Variants in CACNA1S observed in about 807,000 individuals in gnomAD.
CACNA1S encodes calcium voltage-gated channel subunit alpha1 S.
Under a neutral mutation model 207.4 loss-of-function variants are expected in CACNA1S, and 126 were observed. The ratio of observed to expected loss-of-function variants is 0.61; its 90% CI spans 0.53 to 0.70. The LOEUF (loss-of-function observed/expected upper bound fraction) is 0.70, where lower values mean the gene tolerates loss of function less well. Among genes scored for constraint, CACNA1S ranks in the 30% least tolerant of loss-of-function variants. The probability of loss-of-function intolerance (pLI) is 0.00; values close to 1 mark genes in which losing one functional copy is unlikely to be tolerated. For missense variants in CACNA1S, 2,349 were observed against 2,422.8 expected (o/e 0.97, Z 0.64); for synonymous variants, 960 against 932.7 (o/e 1.03, Z -0.53).
intron 2 of CACNA1S, among the ~76,000 whole-genome samples, chr1:201,102,881 C>CT (rs1213984072): frequency 2.0e-5 from 3 of 152,074 alleles, no homozygotes; most frequent in Non-Finnish European, 2.9e-5. Flanking sequence ...CTGTCTTTGC[C>CT]CCCCGAGGCT....
At chr1:201,075,671 A>T in intron 12 of CACNA1S, 56 bp from the exon 13 acceptor site, 1 of 1,591,312 alleles carries the variant, frequency 6.3e-7, no homozygotes, top group Non-Finnish European at 8.6e-7. Context: ...AGAGTCTTCT[A>T]TTGGGACCGC....
In CACNA1S at chr1:201,039,572, G is replaced by T; in HGVS notation, c.*259C>A. 1 of 574,260 alleles carries T rather than the reference G, an allele frequency of 1.7e-6. No homozygotes were observed. The highest frequency in any genetic ancestry group is 2.0e-5 in the South Asian group (1 of 50,004). 35.6% of individuals were successfully genotyped at this position (574,260 alleles called of 1,614,324 possible). On this transcript the variant is annotated 3_prime_UTR_variant, in exon 44 of 44. Transcript: ENST00000362061. ...TGCAGGTGGGAGTGGCCCTAGGCCA[G>T]ACAGGCACTGACCAGGCCTTTTTGA...
chr1:201,059,131 G>T, intron 27 of CACNA1S, 58 bp downstream of exon 27: 2 of 1,086,426 alleles, frequency 1.8e-6, no homozygotes, highest in Non-Finnish European at 1.4e-6. Flanking sequence ...ATGTTCCACT[G>T]GAAGGTCCCA....
intron 11 of CACNA1S, 44 bp downstream of exon 11, chr1:201,077,835 T>C (rs1661684824): frequency 7.1e-7 from 1 of 1,403,380 alleles, no homozygotes; most frequent in Non-Finnish European, 1.0e-6. Context: ...CAGCCCGTGG[T>C]GCCTGCCGGG....
At chr1:201,045,392 T>C (rs1264462070) in intron 38 of CACNA1S, among the ~76,000 whole-genome samples, 3 of 152,160 alleles carry the variant, frequency 2.0e-5, no homozygotes, top group African/African-American at 7.2e-5. Flanking sequence ...ATAAAGGACA[T>C]TTACTGGGAC....
In CACNA1S at chr1:201,066,835, G is replaced by C; in HGVS notation, c.2657+52C>G. On this transcript the variant is annotated intron_variant, in intron 20 of 43. Transcript: ENST00000362061. The surrounding 1 kb of genome is among the most constrained non-coding windows in gnomAD (Gnocchi z 4.3). ...GTGGGACTCCCACTACAAAGCCCTG[G>C]CACAGAGCAGAGGGTGGTCTGTGCC... 1 of 1,371,838 alleles carries C rather than the reference G, an allele frequency of 7.3e-7. No homozygotes were observed. The highest frequency in any genetic ancestry group is 1.0e-6 in the Non-Finnish European group (1 of 966,624). The allele number at this position is 1,371,838 out of a possible 1,614,324, so 85.0% of individuals were successfully genotyped here. A position where few individuals can be genotyped will look rare whatever the true frequency, so the allele number is the denominator to read the frequency against.
intron 43 of CACNA1S, 50 bp downstream of exon 43, chr1:201,040,181 C>A (rs371345681): frequency 1.2e-5 from 20 of 1,612,160 alleles, no homozygotes; most frequent in Admixed American, 5.0e-5. Flanking sequence ...CAGGCCATCA[C>A]AGGGCCACCA....
intron 2 of CACNA1S, among the ~76,000 whole-genome samples, chr1:201,109,069 G>A (rs1437172609): frequency 1.2e-4 from 19 of 152,066 alleles, no homozygotes; most frequent in Non-Finnish European, 8.8e-5. Context: ...CCAACATGGC[G>A]AAACCCCATC....
intron 6 of CACNA1S, 92 bp downstream of exon 6, chr1:201,089,166 C>A (rs954009394): frequency 8.3e-7 from 1 of 1,209,194 alleles, no homozygotes; most frequent in Admixed American, 1.8e-5. Flanking sequence ...AGAGACTGGC[C>A]TCCTGTGTGG....
intron 36 of CACNA1S, 22 bp downstream of exon 36, chr1:201,048,560 T>A (rs1308938443): frequency 1.3e-6 from 2 of 1,519,296 alleles, no homozygotes; most frequent in African/African-American, 3.7e-5. Context: ...AGGAGGGGGC[T>A]CACATTGGAA....
At chr1:201,075,256 A>C (rs1661565787) in intron 13 of CACNA1S, among the ~76,000 whole-genome samples, 1 of 152,084 alleles carries the variant, frequency 6.6e-6, no homozygotes, top group East Asian at 1.9e-4. Context: ...CTGGGCTTTT[A>C]ATTCCTCCCA....
chr1:201,092,027 C>T lies in CACNA1S; in HGVS notation c.486G>A (p.Lys162=). 6.2e-7 allele frequency: 1 copy of T among 1,614,100 alleles called. No homozygotes were observed. The highest frequency in any genetic ancestry group is 8.5e-7 in the Non-Finnish European group (1 of 1,180,020). The change falls in exon 4 of 44, where the codon AAG becomes AAA. Residue 162 remains lysine (K), a synonymous_variant. Coordinates refer to ENST00000362061, the MANE Select transcript of CACNA1S (RefSeq NM_000069.3). ...TGAGCACTCGGAAGGCTCTGAGGGCCTTGACATCCAAGCCGGCTCCTTTGC... is the reference window on the plus strand; with the variant it reads ...TGAGCACTCGGAAGGCTCTGAGGGCTTTGACATCCAAGCCGGCTCCTTTGC... ...MSSKGAGLDV[K]ALRAFRVLRP... is the part of the protein sequence containing the mutation.
Position 201,076,932 on chromosome 1 carries a change from G to A in CACNA1S, c.1815C>T (p.Ile605=), listed in dbSNP as rs757733492. The change falls in exon 12 of 44, where the codon ATC becomes ATT. Residue 605 remains isoleucine, a synonymous_variant. Transcript: ENST00000362061. The part of the protein sequence containing the change: ...SNFDNFPQAL[I]SVFQVLTGED... ...AGGGAGAGCCTACCTGGAAGACGCT[G>A]ATGAGGGCTTGGGGAAAGTTGTCAA... is the stretch of plus-strand genomic sequence containing the variant. 6.8e-6 allele frequency: 11 copies of A among 1,614,112 alleles called. No homozygotes were observed. The African/African-American group carries it at 1.3e-4, about 20-fold the overall frequency.
intron 7 of CACNA1S, among the ~76,000 whole-genome samples, chr1:201,085,903 C>A (rs1271442911): frequency 6.6e-6 from 1 of 152,210 alleles, no homozygotes; most frequent in Non-Finnish European, 1.5e-5. Context: ...ACAAGGCAGT[C>A]CATTGCCTAA....
rs764110964 is a variant in CACNA1S at position 201,039,870 on chromosome 1, G to C, written c.5583C>G (p.His1861Gln). The C allele has an allele frequency of 4.3e-6, 7 of 1,610,674 alleles. No homozygotes were observed. Among genetic ancestry groups the C allele is most frequent in the Non-Finnish European group, 5.9e-6 (7 of 1,180,028 alleles). Residue 1861 changes from histidine (H) to glutamine (Q), a missense_variant, in exon 44 of 44, where the codon CAC (histidine) becomes CAG (glutamine). Physicochemically the swap from His to Gln is conservative, Grantham distance 24 (BLOSUM62 0). Transcript: ENST00000362061. ...LGSSLGSLDQ[H>Q]QGSQETLIPP... ...GAATAAGGGTCTCCTGGGAGCCCTG[G>C]TGTTGGTCGAGGCTGCCCAGGGAGG...
intron 19 of CACNA1S, among the ~76,000 whole-genome samples, chr1:201,068,560 G>A (rs1240543906): frequency 6.7e-6 from 1 of 149,856 alleles, no homozygotes; most frequent in Non-Finnish European, 1.5e-5. Flanking sequence ...CTGCTCTTAA[G>A]CTAACTGTAT....
Position 201,040,672 on chromosome 1 carries a change from G to A in CACNA1S, c.5176C>T (p.Leu1726=), listed in dbSNP as rs1348645700. 1 of 1,614,126 alleles carries A rather than the reference G, an allele frequency of 6.2e-7. No homozygotes were observed. The highest frequency in any genetic ancestry group is 1.7e-5 in the Admixed American group (1 of 60,024). The change falls in exon 42 of 44, where the codon CTG becomes TTG. Residue 1726 remains leucine, a synonymous_variant. Transcript: ENST00000362061. Reference sequence around the variant, plus strand: ...CCTCTGGGCATTGCCCTCTGGGTCAGCAGTCCCTTCAGCATCTCCACACAG... The same window carrying A: ...CCTCTGGGCATTGCCCTCTGGGTCAACAGTCCCTTCAGCATCTCCACACAG... ...KPCVEMLKGL[L]TQRAMPRGQA...
intron 2 of CACNA1S, among the ~76,000 whole-genome samples, chr1:201,097,478 G>A (rs537990001): frequency 3.0e-4 from 46 of 152,092 alleles, no homozygotes; most frequent in Non-Finnish European, 5.9e-4. Context: ...TGCCCAGAGT[G>A]TCCCTGAGGC....
rs772545372 is a variant in CACNA1S, at chr1:201,066,366, C to T, written c.2658-50G>A. On this transcript the variant is annotated intron_variant, in intron 20 of 43. Coordinates refer to ENST00000362061, the MANE Select transcript of CACNA1S (RefSeq NM_000069.3). The surrounding 1 kb of genome is among the most constrained non-coding windows in gnomAD (Gnocchi z 4.3). ...GCTGAGGGCAGCCTGCTCCAGCCAG[C>T]CCAGTCTGCGGTGGAGCCTCCAGCC... The T allele has an allele frequency of 3.3e-6, 5 of 1,525,042 alleles. No homozygotes were observed. In the South Asian group the frequency reaches 5.6e-5, roughly 17 times the overall value. 94.5% of individuals were successfully genotyped at this position (1,525,042 alleles called of 1,614,324 possible). A position where few individuals can be genotyped will look rare whatever the true frequency, so the allele number is the denominator to read the frequency against.
Sources: gnomAD v4.1 joint callset for allele counts (sites outside exome capture counted in the v4.1 genomes callset) on GRCh38, gnomAD v4.1.1 for gene constraint, Gnocchi (gnomAD v3.1) non-coding constraint, MANE v1.5 for transcripts, NCBI Gene and HGNC (gene_info 2026-07-23, HGNC 2026-07-21) for gene names.